Variants in PAGE2 observed in about 807,000 individuals in gnomAD.
The protein encoded by PAGE2 is P antigen family member 2.
PAGE2 carries 6 observed loss-of-function variants against 7.5 expected under a neutral mutation model. The observed-to-expected ratio is 0.80, with a 90% CI of 0.44 to 1.57. The LOEUF (loss-of-function observed/expected upper bound fraction) is 1.57, where lower values mean the gene tolerates loss of function less well. Ranked by LOEUF, PAGE2 falls within the 40% of genes most tolerant of loss-of-function variation. PAGE2 has a pLI of 0.01. For synonymous variants in PAGE2, 22 were observed against 25.4 expected (o/e 0.87, Z 0.41); for missense variants, 72 against 76.4 (o/e 0.94, Z 0.21).
rs1290327569 is a variant in PAGE2 at position 55,090,605 on chromosome X, T to C, written c.188T>C (p.Phe63Ser). 2.5e-6 allele frequency: 3 copies of C among 1,200,127 alleles called. No individual in the cohort carries two copies. The highest frequency in any genetic ancestry group is 1.8e-5 in the African/African-American group (1 of 55,198). The change falls in exon 3 of 5, where the codon TTT (phenylalanine) becomes TCT (serine). Residue 63 changes from phenylalanine to serine, a missense_variant. Physicochemically the swap from Phe to Ser is radical, Grantham distance 155. Coordinates refer to ENST00000374968, the MANE Select transcript of PAGE2 (RefSeq NM_207339.4). ...ATTGAAAATCAAGCAGTGCCTGCTT[T>C]TCAAGGTGAAGGGAGAGTGGAAAAT... ...GEIENQAVPA[F>S]QGPDMEAFQQ...
intron 2 of PAGE2, 29 bp downstream of exon 2, chrX:55,090,133 A>T (rs768391330): frequency 8.8e-7 from 1 of 1,140,867 alleles, no homozygotes; most frequent in South Asian, 1.9e-5. Context: ...GATGTTTTCT[A>T]TTAACACAAT....
chrX:55,090,470 C>G (rs1199815729), intron 2 of PAGE2, 32 bp from the exon 3 acceptor site: 1 of 1,127,989 alleles, frequency 8.9e-7, no homozygotes, highest in Non-Finnish European at 1.2e-6. Flanking sequence ...ATATTATTGA[C>G]TTTTTATTCA....
In PAGE2 at chrX:55,090,119, A is replaced by G. The variant is rs779706075; in HGVS notation, c.84+15A>G. The stretch of plus-strand genomic sequence containing the variant: ...GATCTGTGATTGTGAGTCTTTTAAC[A>G]TTTGATGTTTTCTATTAACACAATT... On this transcript the variant is annotated intron_variant, in intron 2 of 4. Transcript: ENST00000374968. 3 of 1,176,701 alleles carry G rather than the reference A, an allele frequency of 2.5e-6. No homozygotes were observed. In the South Asian group the frequency reaches 5.4e-5, roughly 21 times the overall value.
chrX:55,091,612 A>C (rs1245813670), intron 4 of PAGE2, among the ~76,000 whole-genome samples, 155 bp downstream of exon 4: 1 of 83,354 alleles, frequency 1.2e-5, no homozygotes, highest in African/African-American at 3.7e-5. Flanking sequence ...CTTACACACT[A>C]TCAGGGATAG....
chrX:55,090,026 T>C lies in PAGE2; in HGVS notation c.6T>C (p.Ser2=). 8.4e-7 allele frequency: 1 copy of C among 1,186,832 alleles called. No homozygotes were observed. The highest frequency in any genetic ancestry group is 1.1e-6 in the Non-Finnish European group (1 of 875,710). The change falls in exon 2 of 5, where the codon AGT becomes AGC. Residue 2 remains serine (S), a synonymous_variant. Transcript: ENST00000374968. ...TTCTGTTTGCAGTGGGAAATATGAG[T>C]GAGCTTCTAAGAGCAAGATCCCAAT... The part of the protein sequence containing the change: M[S]ELLRARSQSS...
Position 55,090,576 on chromosome X carries a change from G to A in PAGE2, c.159G>A (p.Gly53=). 1 of 1,206,751 alleles carries A rather than the reference G, an allele frequency of 8.3e-7. No homozygotes were observed. Reference sequence around the variant, plus strand: ...ATAATCAGGGTATTGCACCTAGTGGGGAGATTGAAAATCAAGCAGTGCCTG... The same window carrying A: ...ATAATCAGGGTATTGCACCTAGTGGAGAGATTGAAAATCAAGCAGTGCCTG... ...PTDNQGIAPS[G]EIENQAVPAF... Residue 53 remains glycine, a synonymous_variant, in exon 3 of 5, where the codon GGG becomes GGA. Coordinates refer to ENST00000374968, the MANE Select transcript of PAGE2 (RefSeq NM_207339.4).
chrX:55,090,147 T>A (rs764834497), intron 2 of PAGE2, 43 bp downstream of exon 2: 1 of 1,128,654 alleles, frequency 8.9e-7, no homozygotes, highest in Non-Finnish European at 1.2e-6. Flanking sequence ...ACACAATTTA[T>A]TTTAAAAATA....
intron 3 of PAGE2, among the ~76,000 whole-genome samples, chrX:55,091,036 A>T (rs1936650631): frequency 9.0e-6 from 1 of 110,622 alleles, no homozygotes; most frequent in African/African-American, 3.4e-5. Flanking sequence ...TCAGTGCCAA[A>T]TTTTTGCCTA....
At chrX:55,089,207 G>C (rs1294481364) in intron 1 of PAGE2, 104 bp downstream of exon 1, 2 of 111,782 alleles carry the variant, frequency 1.8e-5, no homozygotes, top group African/African-American at 6.7e-5. Flanking sequence ...TGGCTTCTGA[G>C]GGAAAAGGGC....
chrX:55,090,042 A>G lies in PAGE2; in HGVS notation c.22A>G (p.Arg8Gly), dbSNP rs756688302. Residue 8 changes from arginine (R) to glycine (G), a missense_variant, in exon 2 of 5, where the codon AGA becomes GGA. Physicochemically the swap from Arg to Gly is moderately radical, Grantham distance 125. Coordinates refer to ENST00000374968, the MANE Select transcript of PAGE2 (RefSeq NM_207339.4). ...AAATATGAGTGAGCTTCTAAGAGCA[A>G]GATCCCAATCCTCAGAAAGAGGAAA... Reference protein sequence around the residue: MSELLRARSQSSERGNDQ... With the variant: MSELLRAGSQSSERGNDQ... 5 of 1,200,978 alleles carry G rather than the reference A, an allele frequency of 4.2e-6. No homozygotes were observed. Among genetic ancestry groups the G allele is most frequent in the Non-Finnish European group, 5.6e-6 (5 of 888,797 alleles).
chrX:55,089,471 T>G (rs1830273988), intron 1 of PAGE2, among the ~76,000 whole-genome samples: 1 of 110,189 alleles, frequency 9.1e-6, no homozygotes, highest in South Asian at 3.8e-4. Flanking sequence ...GCTTGGGAAC[T>G]GGGAGCGCGG....
rs182609762 is a variant in PAGE2, at chrX:55,091,233, C to A, written c.194-99C>A. 1.8e-3 allele frequency: 2,071 copies of A among 1,137,552 alleles called. 43 individuals are homozygous for A. The highest frequency in any genetic ancestry group is 0.016 in the African/African-American group (824 of 52,934). The allele number at this position is 1,137,552 out of a possible 1,213,427, so 93.7% of individuals were successfully genotyped here. On this transcript the variant is annotated intron_variant, in intron 3 of 4. Coordinates refer to ENST00000374968, the MANE Select transcript of PAGE2 (RefSeq NM_207339.4). ...CAGATTCCTGAAATAATTAGCCTAC[C>A]GGTTTTTATTTCATAATGATGAGGG...
chrX:55,090,360 A>ATCTATCTG (rs1166085071), intron 2 of PAGE2, 142 bp from the exon 3 acceptor site: 3 of 594,692 alleles, frequency 5.0e-6, no homozygotes, highest in Non-Finnish European at 7.9e-6. Flanking sequence ...CTATCTATCT[A>ATCTATCTG]TCTATCATCT....
intron 3 of PAGE2, 136 bp from the exon 4 acceptor site, chrX:55,091,196 T>A: frequency 9.4e-7 from 1 of 1,062,942 alleles, no homozygotes; most frequent in Non-Finnish European, 1.2e-6. Context: ...TGCTTTCCTG[T>A]TTTCCTGGCA....
At chrX:55,089,491 G>A (rs1602281844) in intron 1 of PAGE2, among the ~76,000 whole-genome samples, 1 of 110,361 alleles carries the variant, frequency 9.1e-6, no homozygotes, top group East Asian at 2.8e-4. Context: ...GTGGGCTGGT[G>A]ACTGTGGCCC....
chrX:55,090,788 A>G (rs935512265), intron 3 of PAGE2, among the ~76,000 whole-genome samples, 178 bp downstream of exon 3: 2 of 108,040 alleles, frequency 1.9e-5, no homozygotes, highest in Admixed American at 1.9e-4. Flanking sequence ...AAGCTTTCCT[A>G]CCACTTTGAT....
At chrX:55,089,613 G>C (rs1427775415) in intron 1 of PAGE2, among the ~76,000 whole-genome samples, 2 of 107,898 alleles carry the variant, frequency 1.9e-5, no homozygotes, top group Admixed American at 1.9e-4. Flanking sequence ...GGGCGAGGCT[G>C]TGCTTTCCAA....
At chrX:55,089,179 G>A (rs1569548444) in intron 1 of PAGE2, 76 bp downstream of exon 1, 2 of 111,750 alleles carry the variant, frequency 1.8e-5, no homozygotes, top group African/African-American at 6.7e-5. Flanking sequence ...CTTTGGACAG[G>A]TCCTGCGGCA....
In PAGE2 at chrX:55,089,998, A is replaced by G; in HGVS notation, c.-8-15A>G. Reference sequence around the variant, plus strand: ...TCTTACACACTTTTTCCAAATAACAATATTCTGTTTGCAGTGGGAAATATG... The same window carrying G: ...TCTTACACACTTTTTCCAAATAACAGTATTCTGTTTGCAGTGGGAAATATG... On this transcript the variant is annotated splice_polypyrimidine_tract_variant and intron_variant, in intron 1 of 4. Coordinates refer to ENST00000374968, the MANE Select transcript of PAGE2 (RefSeq NM_207339.4). 1 of 1,133,641 alleles carries G rather than the reference A, an allele frequency of 8.8e-7. No individual in the cohort carries two copies. The highest frequency in any genetic ancestry group is 1.2e-6 in the Non-Finnish European group (1 of 829,322). The allele number at this position is 1,133,641 out of a possible 1,213,427, so 93.4% of individuals were successfully genotyped here. A position where few individuals can be genotyped will look rare whatever the true frequency, so the allele number is the denominator to read the frequency against.
Sources: gnomAD v4.1 joint callset for allele counts (sites outside exome capture counted in the v4.1 genomes callset) on GRCh38, gnomAD v4.1.1 for gene constraint, MANE v1.5 for transcripts, NCBI Gene and HGNC (gene_info 2026-07-23, HGNC 2026-07-21) for gene names.